The following MRPL1 variants were observed in gnomAD, a reference collection of about 807,000 sequenced individuals.
The protein encoded by MRPL1 is mitochondrial ribosomal protein L1.
A neutral mutation model predicts 38.0 loss-of-function variants in MRPL1; 28 were observed. The ratio of observed to expected loss-of-function variants is 0.74; its 90% CI spans 0.55 to 1.01. MRPL1 has a LOEUF of 1.01. MRPL1 is among the 50% of genes least tolerant of loss of function. The probability of loss-of-function intolerance (pLI) is 0.00; values close to 1 mark genes in which losing one functional copy is unlikely to be tolerated. For missense variants in MRPL1, 358 were observed against 389.8 expected (o/e 0.92, Z 0.69); for synonymous variants, 123 against 126.7 (o/e 0.97, Z 0.20).
At chr4:77,904,128 T>G (rs1578049048) in intron 6 of MRPL1, among the ~76,000 whole-genome samples, 1 of 148,812 alleles carries the variant, frequency 6.7e-6, no homozygotes. Context: ...GTGCCTGGAG[T>G]CCCAGCTACT....
intron 2 of MRPL1, among the ~76,000 whole-genome samples, chr4:77,879,776 A>G (rs1413723432): frequency 1.3e-5 from 2 of 152,156 alleles, no homozygotes; most frequent in Non-Finnish European, 2.9e-5. Flanking sequence ...GAGTACTTCC[A>G]CGGTAGCTGT....
In MRPL1 at chr4:77,878,863, G is replaced by T. The variant is rs139560728; in HGVS notation, c.144-4379G>T. Among the ~76,000 whole-genome samples the T allele has an allele frequency of 1.2e-3, 182 of 152,260 alleles. 1 individual carries two copies. Among genetic ancestry groups the T allele is most frequent in the African/African-American group, 4.4e-3 (181 of 41,540 alleles). ...CACTGCACTCCAGTCTGGCAACAGA[G>T]CGAGACTCCGTCTTAAAAACAAAAA... On this transcript the variant is annotated intron_variant, in intron 2 of 8. Transcript: ENST00000315567.
chr4:77,897,099 C>G (rs111735797), intron 6 of MRPL1, among the ~76,000 whole-genome samples: 10,589 of 151,848 alleles, frequency 0.07, 582 homozygotes, highest in African/African-American at 0.15. Flanking sequence ...CAGAGTTTCC[C>G]TCTGTCGCCC....
intron 5 of MRPL1, among the ~76,000 whole-genome samples, chr4:77,891,475 C>G (rs1735806541): frequency 6.6e-6 from 1 of 151,908 alleles, no homozygotes; most frequent in African/African-American, 2.4e-5. Context: ...CCTGCCTCAG[C>G]CTCCCTAGTA....
At chr4:77,868,645 C>A (rs114278655) in intron 1 of MRPL1, among the ~76,000 whole-genome samples, 2 of 152,198 alleles carry the variant, frequency 1.3e-5, no homozygotes, top group East Asian at 3.8e-4. Flanking sequence ...AGGGGAGACT[C>A]TTCTGAAGAA....
intron 7 of MRPL1, among the ~76,000 whole-genome samples, chr4:77,947,150 C>T (rs1390747855): frequency 1.3e-5 from 2 of 152,096 alleles, no homozygotes; most frequent in African/African-American, 4.8e-5. Context: ...TAAAGTTCAC[C>T]TGTGTCCACT....
At position 77,949,856 on chromosome 4, in the gene MRPL1, T is replaced by C. The variant is rs201361899; in HGVS notation, c.837T>C (p.Cys279=). 2.1e-4 allele frequency: 346 copies of C among 1,610,790 alleles called. 1 individual carries two copies. In the Admixed American group the frequency reaches 5.8e-3, roughly 27 times the overall value. ...ANLQAVINEV[C]RHRPLNLGPF... ...TGCAAGCAGTTATTAATGAAGTTTG[T>C]AGGCACAGACCGCTGAATTTGGGTA... The change falls in exon 8 of 9, where the codon TGT becomes TGC. Residue 279 remains cysteine, a synonymous_variant. Coordinates refer to ENST00000315567, the MANE Select transcript of MRPL1 (RefSeq NM_020236.4).
chr4:77,889,302 A>G (rs765698276), intron 5 of MRPL1, among the ~76,000 whole-genome samples: 1 of 152,274 alleles, frequency 6.6e-6, no homozygotes, highest in Non-Finnish European at 1.5e-5. Flanking sequence ...CAGTGCAGTG[A>G]GACTAGAACT....
chr4:77,899,788 TGAA>T (rs1735997022), intron 6 of MRPL1, among the ~76,000 whole-genome samples: 1 of 151,616 alleles, frequency 6.6e-6, no homozygotes, highest in South Asian at 2.1e-4. Context: ...AGAAAGAAAA[TGAA>T]GAAAGAAGAG....
chr4:77,865,901 C>T (rs548827171), intron 1 of MRPL1, among the ~76,000 whole-genome samples: 1 of 152,242 alleles, frequency 6.6e-6, no homozygotes, highest in East Asian at 1.9e-4. Context: ...CAAAGCCTTT[C>T]CATTTTTCTA....
intron 2 of MRPL1, among the ~76,000 whole-genome samples, chr4:77,879,585 G>A (rs1346703873): frequency 3.9e-5 from 6 of 152,144 alleles, no homozygotes; most frequent in Admixed American, 3.9e-4. Context: ...ATTTAGTGGC[G>A]AATTCTGCAT....
At chr4:77,885,016 C>T (rs1037502205) in intron 3 of MRPL1, among the ~76,000 whole-genome samples, 2 of 151,728 alleles carry the variant, frequency 1.3e-5, no homozygotes, top group Non-Finnish European at 1.5e-5. Flanking sequence ...GTTTTTTATT[C>T]TCAAAAAAAT....
At chr4:77,929,807 A>G (rs188819288) in intron 7 of MRPL1, among the ~76,000 whole-genome samples, 150 of 152,226 alleles carry the variant, frequency 9.9e-4, no homozygotes, top group African/African-American at 3.2e-3. Context: ...AACAGAAAGC[A>G]TAAGTTGCCC....
intron 7 of MRPL1, among the ~76,000 whole-genome samples, chr4:77,914,643 T>C (rs533696386): frequency 6.6e-6 from 1 of 152,300 alleles, no homozygotes; most frequent in South Asian, 2.1e-4. Flanking sequence ...TTTACAGCAA[T>C]TTAATGAGGT....
intron 5 of MRPL1, 31 bp downstream of exon 5, chr4:77,887,322 T>G (rs1202796260): frequency 4.6e-6 from 7 of 1,507,300 alleles, no homozygotes; most frequent in African/African-American, 1.4e-5. Flanking sequence ...TCATTAAGTA[T>G]AGAGATGATT....
intron 8 of MRPL1, 101 bp from the exon 9 acceptor site, chr4:77,952,388 C>T (rs755702556): frequency 2.2e-5 from 18 of 826,176 alleles, no homozygotes; most frequent in Non-Finnish European, 3.4e-5. Context: ...GTTGCAGTTT[C>T]CAAGAACCTA....
chr4:77,922,912 T>A (rs190590951), intron 7 of MRPL1, among the ~76,000 whole-genome samples: 2 of 152,330 alleles, frequency 1.3e-5, no homozygotes, highest in East Asian at 3.9e-4. Flanking sequence ...CAAGTCTGAA[T>A]CAGAGAAAAG....
intron 1 of MRPL1, among the ~76,000 whole-genome samples, chr4:77,869,084 T>C (rs1217199331): frequency 6.6e-6 from 1 of 152,118 alleles, no homozygotes; most frequent in Non-Finnish European, 1.5e-5. Context: ...TGGACTGTGA[T>C]GGTTGTAGCA....
intron 1 of MRPL1, among the ~76,000 whole-genome samples, chr4:77,867,270 T>C (rs948672534): frequency 6.6e-6 from 1 of 152,244 alleles, no homozygotes; most frequent in Non-Finnish European, 1.5e-5. Context: ...ACATGTTTCA[T>C]TGGCGTATTT....
Sources: gnomAD v4.1 joint callset for allele counts (sites outside exome capture counted in the v4.1 genomes callset) on GRCh38, gnomAD v4.1.1 for gene constraint, MANE v1.5 for transcripts, NCBI Gene and HGNC (gene_info 2026-07-23, HGNC 2026-07-21) for gene names.